The following CDC42BPA variants were observed in gnomAD, a reference collection of about 807,000 sequenced individuals.
CDC42BPA encodes CDC42 binding protein kinase alpha, also known as serine/threonine-protein kinase MRCK alpha.
A neutral mutation model predicts 223.5 loss-of-function variants in CDC42BPA; 80 were observed. The observed-to-expected ratio is 0.36, with a 90% CI of 0.30 to 0.43. CDC42BPA has a LOEUF of 0.43. CDC42BPA is among the 20% of genes least tolerant of loss of function. The pLI, the probability that CDC42BPA is intolerant of heterozygous loss-of-function variation, is 1.00. For synonymous variants in CDC42BPA, 694 were observed against 718.6 expected (o/e 0.97, Z 0.55); for missense variants, 1,743 against 2,099.9 (o/e 0.83, Z 3.32).
intron 35 of CDC42BPA, among the ~76,000 whole-genome samples, chr1:226,995,262 A>T (rs1661388557): frequency 6.6e-6 from 1 of 152,158 alleles, no homozygotes; most frequent in Non-Finnish European, 1.5e-5. Flanking sequence ...ACAATTCCCC[A>T]GAATCCCTCA....
chr1:227,022,474 T>C (rs1667559062), intron 32 of CDC42BPA, among the ~76,000 whole-genome samples: 1 of 152,240 alleles, frequency 6.6e-6, no homozygotes, highest in African/African-American at 2.4e-5. Context: ...GTACTGTAAA[T>C]ACATCCTCGC....
At position 227,279,968 on chromosome 1, in the gene CDC42BPA, G is replaced by C. The variant is rs148766790; in HGVS notation, c.179-25813C>G. On this transcript the variant is annotated intron_variant, in intron 1 of 36. Transcript: ENST00000366766. The stretch of plus-strand genomic sequence containing the variant: ...AGCTACCTGGAAGGCTGAGGCAGGA[G>C]AATAACTTGAACCTGGGAGGTGGAG... 1.9e-3 allele frequency among the ~76,000 whole-genome samples: 294 copies of C among 152,226 alleles called. 2 individuals are homozygous for C. The highest frequency in any genetic ancestry group is 6.7e-3 in the African/African-American group (277 of 41,536).
chr1:227,035,754 G>T, intron 24 of CDC42BPA, 147 bp from the exon 25 acceptor site: 1 of 565,078 alleles, frequency 1.8e-6, no homozygotes, highest in Non-Finnish European at 3.0e-6. Context: ...TTGGGTAGCT[G>T]ATTCATTTGC....
At chr1:227,235,576 G>T (rs7545775) in intron 2 of CDC42BPA, among the ~76,000 whole-genome samples, 7 of 152,050 alleles carry the variant, frequency 4.6e-5, no homozygotes, top group African/African-American at 1.5e-4. Context: ...TATACTATTT[G>T]AATTATGTTT....
chr1:227,092,905 C>T (rs1683338458), intron 15 of CDC42BPA, among the ~76,000 whole-genome samples: 1 of 152,100 alleles, frequency 6.6e-6, no homozygotes, highest in African/African-American at 2.4e-5. Context: ...CCCCTAAATA[C>T]TCCAGTGTGT....
chr1:227,303,361 G>A (rs922584733), intron 1 of CDC42BPA, among the ~76,000 whole-genome samples: 2 of 152,140 alleles, frequency 1.3e-5, no homozygotes, highest in Admixed American at 1.3e-4. Flanking sequence ...AGCATTCTGG[G>A]AGCAGAAGTA....
chr1:227,169,696 C>T (rs1022532912), intron 5 of CDC42BPA, among the ~76,000 whole-genome samples: 1 of 152,166 alleles, frequency 6.6e-6, no homozygotes, highest in Non-Finnish European at 1.5e-5. Flanking sequence ...AGGCTGAGAG[C>T]TGCAAAACAT....
chr1:227,063,928 AAAG>A lies in CDC42BPA; in HGVS notation c.2904+5846_2904+5848del, dbSNP rs1676459433. Among the ~76,000 whole-genome samples the A allele has an allele frequency of 2.0e-5, 3 of 152,208 alleles. No homozygotes were observed. The South Asian group carries it at 6.2e-4, about 32-fold the overall frequency. On this transcript the variant is annotated intron_variant, in intron 21 of 36. Transcript: ENST00000366766. The stretch of plus-strand genomic sequence containing the variant: ...ACCATGTGAAATCAAGAGATAAATT[AAAG>A]AAGTTAGAAGCCATGACTGAAATTA...
At chr1:227,148,771 GCAAAAAAAAAA>G (rs1419275306) in intron 6 of CDC42BPA, among the ~76,000 whole-genome samples, 4 of 7,724 alleles carry the variant, frequency 5.2e-4, no homozygotes, top group African/African-American at 8.6e-4. Flanking sequence ...GGTCTCAAAA[GCAAAAAAAAAA>G]AAAAAAAAAA....
intron 5 of CDC42BPA, among the ~76,000 whole-genome samples, chr1:227,173,511 C>T (rs995328643): frequency 1.3e-5 from 2 of 152,116 alleles, no homozygotes; most frequent in African/African-American, 4.8e-5. Context: ...CTAAAGCTAT[C>T]AGCCCAACAT....
chr1:227,202,760 C>CCAA (rs1672005329), intron 3 of CDC42BPA, among the ~76,000 whole-genome samples: 1 of 114,428 alleles, frequency 8.7e-6, no homozygotes, highest in Non-Finnish European at 1.8e-5. Flanking sequence ...TCTCTACAGG[C>CCAA]AAAAAAAAAA....
At chr1:227,218,368 C>A (rs920087387) in intron 2 of CDC42BPA, among the ~76,000 whole-genome samples, 1 of 152,132 alleles carries the variant, frequency 6.6e-6, no homozygotes, top group Admixed American at 6.5e-5. Context: ...CTTTTAATTT[C>A]CCCTACATAT....
chr1:227,069,314 C>G (rs1249659168), intron 21 of CDC42BPA: 1 of 152,376 alleles, frequency 6.6e-6, no homozygotes, highest in African/African-American at 2.4e-5. Context: ...ATATGCCTAA[C>G]AGAGTCTATG....
chr1:227,172,910 TA>T (rs954039103), intron 5 of CDC42BPA, among the ~76,000 whole-genome samples: 2 of 152,188 alleles, frequency 1.3e-5, no homozygotes, highest in African/African-American at 4.8e-5. Context: ...AAAAACCTTC[TA>T]AAACTACAGT....
intron 5 of CDC42BPA, among the ~76,000 whole-genome samples, chr1:227,192,363 T>TA (rs1370943544): frequency 6.6e-6 from 1 of 152,144 alleles, no homozygotes; most frequent in Non-Finnish European, 1.5e-5. Context: ...GGCAACTTGT[T>TA]AGAGATGGCA....
chr1:227,019,163 G>A (rs1262070046), intron 32 of CDC42BPA, among the ~76,000 whole-genome samples: 1 of 152,144 alleles, frequency 6.6e-6, no homozygotes, highest in East Asian at 1.9e-4. Flanking sequence ...TATCACCTTA[G>A]TGTATGTAAT....
intron 3 of CDC42BPA, among the ~76,000 whole-genome samples, chr1:227,205,282 AAATATAT>A (rs1173414731): frequency 0.017 from 454 of 27,308 alleles, 1 homozygote; most frequent in Non-Finnish European, 0.03. Flanking sequence ...AAAAAAAAAA[AAATATAT>A]ATATATATAT....
chr1:227,310,102 T>C (rs1200070163), intron 1 of CDC42BPA, among the ~76,000 whole-genome samples: 2 of 152,220 alleles, frequency 1.3e-5, no homozygotes, highest in East Asian at 3.8e-4. Flanking sequence ...CATGACCTTA[T>C]ACTGGAAGAA....
At chr1:226,999,747 C>T (rs1189776156) in intron 35 of CDC42BPA, among the ~76,000 whole-genome samples, 1 of 152,070 alleles carries the variant, frequency 6.6e-6, no homozygotes, top group East Asian at 1.9e-4. Flanking sequence ...GGCACATATA[C>T]ACCATGGAAT....
Sources: gnomAD v4.1 joint callset for allele counts (sites outside exome capture counted in the v4.1 genomes callset) on GRCh38, gnomAD v4.1.1 for gene constraint, MANE v1.5 for transcripts, NCBI Gene and HGNC (gene_info 2026-07-23, HGNC 2026-07-21) for gene names.